The following POLRMT variants were observed in gnomAD, a reference collection of about 807,000 sequenced individuals.
The protein encoded by POLRMT is DNA-directed RNA polymerase, mitochondrial.
A neutral mutation model predicts 132.2 loss-of-function variants in POLRMT; 114 were observed. That is an observed-to-expected ratio of 0.86 (90% CI 0.74 to 1.01). The LOEUF is 1.01. POLRMT is among the 50% of genes least tolerant of loss of function. The pLI, the probability that POLRMT is intolerant of heterozygous loss-of-function variation, is 0.00. For synonymous variants in POLRMT, 1,020 were observed against 773.4 expected (o/e 1.32, Z -5.29); for missense variants, 2,003 against 1,729.1 (o/e 1.16, Z -2.81).
In POLRMT at chr19:619,665, G is replaced by A. The variant is rs1477199080; in HGVS notation, c.2987C>T (p.Thr996Met). ...TRKVVKQTVM[T>M]VVYGVTRYGG... Reference sequence around the variant, plus strand: ...ATAGCGCGTGACCCCGTACACCACCGTCATCACCGTCTGCTTCACCACCTT... The same window carrying A: ...ATAGCGCGTGACCCCGTACACCACCATCATCACCGTCTGCTTCACCACCTT... Residue 996 changes from threonine (T) to methionine (M), a missense_variant, in exon 13 of 21, where the codon ACG (threonine) becomes ATG (methionine). Coordinates refer to ENST00000588649, the MANE Select transcript of POLRMT (RefSeq NM_005035.4). 1.5e-5 allele frequency: 24 copies of A among 1,610,566 alleles called. No individual in the cohort carries two copies. Among genetic ancestry groups the A allele is most frequent in the Non-Finnish European group, 1.9e-5 (22 of 1,179,504 alleles).
rs1314655467 is a variant in POLRMT, at chr19:619,739, G to C, written c.2913C>G (p.Ala971=). The C allele has an allele frequency of 1.3e-6, 2 of 1,592,960 alleles. No homozygotes were observed. The highest frequency in any genetic ancestry group is 4.5e-5 in the East Asian group (2 of 44,672). The change falls in exon 13 of 21, where the codon GCC becomes GCG. Residue 971 remains alanine (A), a synonymous_variant. Transcript: ENST00000588649. ...CCTGTGCCACCCGCATGCCCCGCTG[G>C]GCGTCCTGCCTACGGAACACCTCCA... The part of the protein sequence containing the change: ...AQVEVFRRQD[A]QRGMRVAQVL...
intron 2 of POLRMT, among the ~76,000 whole-genome samples, chr19:632,480 T>A (rs1985490513): frequency 6.6e-6 from 1 of 150,822 alleles, no homozygotes; most frequent in Non-Finnish European, 1.5e-5. Flanking sequence ...CCAGGACAGC[T>A]GAGTCAGTTC....
chr19:618,622 G>A (rs1984215579), intron 16 of POLRMT, 36 bp from the exon 17 acceptor site: 4 of 1,599,406 alleles, frequency 2.5e-6, no homozygotes, highest in Non-Finnish European at 3.4e-6. Context: ...GGGCGGCCCA[G>A]GGACACCCCT....
Position 630,038 on chromosome 19 carries a change from C to G in POLRMT, c.324G>C (p.Gln108His), listed in dbSNP as rs1985299623. ...DGSLQPPRKVQMGAKDATPVP... is the reference protein window; with the variant it reads ...DGSLQPPRKVHMGAKDATPVP... ...CCGGGGTGGCATCCTTGGCCCCCAT[C>G]TGGACCTTCCTGGGTGGCTGGAGGC... The change falls in exon 3 of 21, where the codon CAG becomes CAC. Residue 108 changes from glutamine to histidine, a missense_variant. Transcript: ENST00000588649. 1 of 1,613,774 alleles carries G rather than the reference C, an allele frequency of 6.2e-7. No homozygotes were observed. The highest frequency in any genetic ancestry group is 1.3e-5 in the African/African-American group (1 of 74,944).
At chr19:633,243 G>T in intron 1 of POLRMT, 182 bp downstream of exon 1, 1 of 757,706 alleles carries the variant, frequency 1.3e-6, no homozygotes, top group Non-Finnish European at 1.9e-6. Context: ...TCAAAGGTCA[G>T]ACTGCACGGA....
At chr19:618,056 C>T (rs563884217) in intron 17 of POLRMT, 2 of 589,102 alleles carry the variant, frequency 3.4e-6, no homozygotes, top group African/African-American at 3.7e-5. Context: ...CCAGAAGCCT[C>T]CTCGCCCCAC....
Position 629,625 on chromosome 19 carries a change from A to G in POLRMT, c.737T>C (p.Leu246Pro). Residue 246 changes from leucine to proline, a missense_variant, in exon 3 of 21, where the codon CTG becomes CCG. Transcript: ENST00000588649. ...TDQLPLAHHL[L>P]VVHHGQRQKR... ...CTGCCGCTGGCCGTGGTGGACGACCAGCAGGTGGTGGGCGAGGGGCAGCTG... is the reference window on the plus strand; with the variant it reads ...CTGCCGCTGGCCGTGGTGGACGACCGGCAGGTGGTGGGCGAGGGGCAGCTG... 6.2e-7 allele frequency: 1 copy of G among 1,609,388 alleles called. No individual in the cohort carries two copies. Among genetic ancestry groups the G allele is most frequent in the Non-Finnish European group, 8.5e-7 (1 of 1,179,048 alleles).
Position 617,763 on chromosome 19 carries a change from G to C in POLRMT, c.3495+14C>G, listed in dbSNP as rs1204935462. On this transcript the variant is annotated intron_variant, in intron 18 of 20. Coordinates refer to ENST00000588649, the MANE Select transcript of POLRMT (RefSeq NM_005035.4). Reference sequence around the variant, plus strand: ...CCACCCATGGGTGGACTGAGGCTCAGACTACGGGGGCACCTGGTTCATGAC... The same window carrying C: ...CCACCCATGGGTGGACTGAGGCTCACACTACGGGGGCACCTGGTTCATGAC... 1.9e-6 allele frequency: 3 copies of C among 1,612,962 alleles called. No individual in the cohort carries two copies. Among genetic ancestry groups the C allele is most frequent in the Admixed American group, 3.3e-5 (2 of 60,006 alleles).
rs200607630 is a variant in POLRMT at position 619,982 on chromosome 19, G to C, written c.2862C>G (p.Asp954Glu). The change falls in exon 12 of 21, where the codon GAC becomes GAG. Residue 954 changes from aspartate (D) to glutamate (E), a missense_variant. By Grantham distance (45) the Asp-to-Glu change is conservative (BLOSUM62 2). Transcript: ENST00000588649. ...CCTGCGCGGCCACGCCGCTGTACACGTCCTGCGGCACATCCGAGGGCTCCA... is the reference window on the plus strand; with the variant it reads ...CCTGCGCGGCCACGCCGCTGTACACCTCCTGCGGCACATCCGAGGGCTCCA... ...VNLEPSDVPQ[D>E]VYSGVAAQVE... 314 of 1,598,666 alleles carry C rather than the reference G, an allele frequency of 2.0e-4. No homozygotes were observed. The highest frequency in any genetic ancestry group is 2.5e-4 in the Non-Finnish European group (289 of 1,176,492).
At chr19:625,048 G>A (rs894542003) in intron 4 of POLRMT, 76 bp downstream of exon 4, 1 of 1,537,532 alleles carries the variant, frequency 6.5e-7, no homozygotes, top group African/African-American at 1.4e-5. Flanking sequence ...CCAGCCCCCA[G>A]CCCAGGCACC....
chr19:633,323 A>G, intron 1 of POLRMT, 102 bp downstream of exon 1: 5 of 1,312,622 alleles, frequency 3.8e-6, no homozygotes, highest in Non-Finnish European at 5.0e-6. Flanking sequence ...GCGCACGCCC[A>G]GGTGCAAAGA....
At chr19:617,384 T>G (rs1984054721) in intron 20 of POLRMT, 35 bp downstream of exon 20, 1 of 1,612,402 alleles carries the variant, frequency 6.2e-7, no homozygotes, top group African/African-American at 1.3e-5. Flanking sequence ...GGCCCGCAGT[T>G]CGAGCCACCC....
chr19:619,464 G>A (rs1016609707), intron 13 of POLRMT, 122 bp downstream of exon 13: 4 of 1,412,456 alleles, frequency 2.8e-6, no homozygotes, highest in African/African-American at 2.8e-5. Flanking sequence ...GCCCTAACAG[G>A]CAGCCAGTGG....
rs201151333 is a variant in POLRMT, at chr19:629,528, G to C, written c.822+12C>G. 30 of 1,508,824 alleles carry C rather than the reference G, an allele frequency of 2.0e-5. No homozygotes were observed. In the South Asian group the frequency reaches 3.9e-4, roughly 19 times the overall value. The allele number at this position is 1,508,824 out of a possible 1,614,324, so 93.5% of individuals were successfully genotyped here. On this transcript the variant is annotated intron_variant, in intron 3 of 20. Transcript: ENST00000588649. The stretch of plus-strand genomic sequence containing the variant: ...GACCAGGGCAGGTGGCCCGGCTCCC[G>C]GCTGCACTCACCTGCCGCGCCCAGC...
intron 4 of POLRMT, 58 bp from the exon 5 acceptor site, chr19:624,963 AC>A (rs1984918720): frequency 6.5e-7 from 1 of 1,545,778 alleles, no homozygotes; most frequent in Non-Finnish European, 8.7e-7. Context: ...GCTTCCACAG[AC>A]CCCAGGGGAA....
At chr19:631,378 G>A (rs902629997) in intron 2 of POLRMT, among the ~76,000 whole-genome samples, 6 of 148,018 alleles carry the variant, frequency 4.1e-5, no homozygotes, top group African/African-American at 1.5e-4. Flanking sequence ...GGTGGCTCAC[G>A]CCTGTAATCC....
At chr19:624,154 C>T (rs945056250) in intron 5 of POLRMT, among the ~76,000 whole-genome samples, 6 of 152,200 alleles carry the variant, frequency 3.9e-5, no homozygotes. Flanking sequence ...CAGCCCTGAC[C>T]CAGGTCGCCT....
At chr19:618,032 G>C (rs964862358) in intron 17 of POLRMT, 183 bp from the exon 18 acceptor site, 32 of 606,470 alleles carry the variant, frequency 5.3e-5, no homozygotes, top group African/African-American at 3.9e-4. Flanking sequence ...TCAGTACAGG[G>C]GGAGGAAATG....
chr19:622,981 T>C lies in POLRMT; in HGVS notation c.1295A>G (p.Lys432Arg), dbSNP rs1984747689. The change falls in exon 7 of 21, where the codon AAG becomes AGG. Residue 432 changes from lysine to arginine, a missense_variant. Transcript: ENST00000588649. ...LPSKEVKHAR[K>R]TLKTLRDQWE... ...TTGGTCCCGCAGGGTCTTCAGGGTCTTCCGCTGCGGGGGATGAACGGGCCC... is the reference window on the plus strand; with the variant it reads ...TTGGTCCCGCAGGGTCTTCAGGGTCCTCCGCTGCGGGGGATGAACGGGCCC... 1.9e-6 allele frequency: 3 copies of C among 1,612,224 alleles called. No individual in the cohort carries two copies. The Admixed American group carries it at 5.0e-5, about 27-fold the overall frequency.
Sources: gnomAD v4.1 joint callset for allele counts (sites outside exome capture counted in the v4.1 genomes callset) on GRCh38, gnomAD v4.1.1 for gene constraint, MANE v1.5 for transcripts, NCBI Gene and HGNC (gene_info 2026-07-23, HGNC 2026-07-21) for gene names.